GBF1: variants seen among roughly 807,000 people sequenced by gnomAD.
The protein encoded by GBF1 is Golgi-specific brefeldin A-resistance guanine nucleotide exchange factor 1.
In GBF1, 114 loss-of-function variants were observed where a neutral mutation model predicts 210.5. That is an observed-to-expected ratio of 0.54 (90% CI 0.47 to 0.63). The LOEUF is 0.63. GBF1 is among the 30% of genes least tolerant of loss of function. The probability of loss-of-function intolerance (pLI) is 0.00; values close to 1 mark genes in which losing one functional copy is unlikely to be tolerated. For synonymous variants in GBF1, 850 were observed against 889.2 expected (o/e 0.96, Z 0.78); for missense variants, 1,851 against 2,357.7 (o/e 0.79, Z 4.45).
At chr10:102,337,855 T>C (rs2057874337) in intron 3 of GBF1, among the ~76,000 whole-genome samples, 1 of 151,950 alleles carries the variant, frequency 6.6e-6, no homozygotes, top group South Asian at 2.1e-4. Flanking sequence ...AGACTCTGTC[T>C]CAAAAAGAAA....
rs567964819 is a variant in GBF1 at position 102,359,389 on chromosome 10, C to T, written c.1134C>T (p.Tyr378=). 6.8e-6 allele frequency: 11 copies of T among 1,613,626 alleles called. No homozygotes were observed. The highest frequency in any genetic ancestry group is 4.5e-5 in the East Asian group (2 of 44,888). The change falls in exon 11 of 40, where the codon TAC becomes TAT. Residue 378 remains tyrosine (Y), a synonymous_variant. Transcript: ENST00000369983. ...SDSASVHDMD[Y]VNPRGVRFTQ... ...CTGCCTCTGTCCATGACATGGATTA[C>T]GTCAATCCCCGGGGCGTGCGCTTTA... is the stretch of plus-strand genomic sequence containing the variant.
intron 3 of GBF1, among the ~76,000 whole-genome samples, chr10:102,264,379 T>C (rs2073618398): frequency 6.6e-6 from 1 of 152,240 alleles, no homozygotes; most frequent in Non-Finnish European, 1.5e-5. Context: ...GGCTTTTATA[T>C]TTAAATTTAT....
chr10:102,344,011 C>G, intron 3 of GBF1, 40 bp from the exon 4 acceptor site: 1 of 1,590,698 alleles, frequency 6.3e-7, no homozygotes, highest in South Asian at 1.1e-5. Flanking sequence ...TTAGTTTTCT[C>G]TTAGATGATA....
intron 3 of GBF1, among the ~76,000 whole-genome samples, chr10:102,332,220 A>G (rs2057386854): frequency 6.6e-6 from 1 of 152,094 alleles, no homozygotes; most frequent in Non-Finnish European, 1.5e-5. Flanking sequence ...TATAAATACT[A>G]TGTAAATAGT....
intron 3 of GBF1, among the ~76,000 whole-genome samples, chr10:102,329,968 G>A (rs1241263182): frequency 2.6e-5 from 4 of 152,006 alleles, no homozygotes; most frequent in Non-Finnish European, 5.9e-5. Flanking sequence ...AAATTAGCTG[G>A]GCATGGTGGC....
In GBF1 at chr10:102,382,516, G is replaced by A. The variant is rs2060917437; in HGVS notation, c.*180G>A. ...CCAGCTAAGACCCCCAATCAGCTGTGGGACCTTTTTCCTCCTCTGCGCTCC... is the reference window on the plus strand; with the variant it reads ...CCAGCTAAGACCCCCAATCAGCTGTAGGACCTTTTTCCTCCTCTGCGCTCC... On this transcript the variant is annotated 3_prime_UTR_variant, in exon 40 of 40. Transcript: ENST00000369983. 1.7e-6 allele frequency: 1 copy of A among 571,694 alleles called. No individual in the cohort carries two copies. The highest frequency in any genetic ancestry group is 3.5e-5 in the Admixed American group (1 of 28,872). The allele number at this position is 571,694 out of a possible 1,614,324, so 35.4% of individuals were successfully genotyped here. A position where few individuals can be genotyped will look rare whatever the true frequency, so the allele number is the denominator to read the frequency against.
chr10:102,367,396 C>G, intron 20 of GBF1, 82 bp from the exon 21 acceptor site: 1 of 1,157,680 alleles, frequency 8.6e-7, no homozygotes, highest in South Asian at 1.2e-5. Flanking sequence ...TTCCTAAGTC[C>G]TATTTACTGA....
At chr10:102,352,343 TAA>T in intron 6 of GBF1, 113 bp from the exon 7 acceptor site, 2 of 767,822 alleles carry the variant, frequency 2.6e-6, no homozygotes, top group Non-Finnish European at 4.7e-6. Context: ...CTGGTTTTAA[TAA>T]GTTTGGCATA....
intron 1 of GBF1, among the ~76,000 whole-genome samples, chr10:102,247,703 A>G (rs531802292): frequency 6.6e-6 from 1 of 152,276 alleles, no homozygotes; most frequent in East Asian, 1.9e-4. Context: ...CTAGATAGGA[A>G]TAATTCCCAC....
intron 3 of GBF1, among the ~76,000 whole-genome samples, chr10:102,279,030 C>T (rs2075254952): frequency 6.6e-6 from 1 of 152,150 alleles, no homozygotes; most frequent in Non-Finnish European, 1.5e-5. Context: ...TTGCCTGAAC[C>T]AATTTCTGGT....
intron 3 of GBF1, among the ~76,000 whole-genome samples, chr10:102,289,540 C>T (rs1212566154): frequency 6.6e-6 from 1 of 152,154 alleles, no homozygotes; most frequent in Non-Finnish European, 1.5e-5. Context: ...GCCTGAGCAA[C>T]ATAGTGAGAC....
chr10:102,305,321 T>C (rs996083962), intron 3 of GBF1, among the ~76,000 whole-genome samples: 1 of 151,902 alleles, frequency 6.6e-6, no homozygotes, highest in Non-Finnish European at 1.5e-5. Context: ...GCTATAGAAA[T>C]TGGAGTCCTG....
the GBF1 span, among the ~76,000 whole-genome samples, chr10:102,234,717 A>C: frequency 2.1e-3 from 315 of 152,326 alleles, 1 homozygote; most frequent in African/African-American, 6.9e-3. Context: ...CCATGGAAGC[A>C]ACATGGAGCT....
At chr10:102,253,138 G>C (rs987616950) in intron 1 of GBF1, among the ~76,000 whole-genome samples, 1 of 152,032 alleles carries the variant, frequency 6.6e-6, no homozygotes, top group East Asian at 1.9e-4. Flanking sequence ...CAGTTGATCT[G>C]CCTGCTTTGG....
In GBF1 at chr10:102,245,674, T is replaced by C. The variant is rs949368443; in HGVS notation, c.-118T>C. 22 of 152,242 alleles carry C rather than the reference T, an allele frequency of 1.4e-4. No individual in the cohort carries two copies. Among genetic ancestry groups the C allele is most frequent in the African/African-American group, 5.1e-4 (21 of 41,452 alleles). The allele number at this position is 152,242 out of a possible 1,614,324, so 9.4% of individuals were successfully genotyped here. On this transcript the variant is annotated 5_prime_UTR_variant, in exon 1 of 40. Coordinates refer to ENST00000369983, the MANE Select transcript of GBF1 (RefSeq NM_001377137.1). ...AGGCTCCTTCTCTTCTCCCATCTGC[T>C]ACCAGAGCCGGGAGAGCTGCTCGGA...
intron 1 of GBF1, among the ~76,000 whole-genome samples, chr10:102,251,809 G>A (rs1487089892): frequency 1.3e-5 from 2 of 152,068 alleles, no homozygotes; most frequent in African/African-American, 4.8e-5. Context: ...TCCCTCCTTG[G>A]CCTCCCAAAG....
At chr10:102,311,389 C>T (rs969496277) in intron 3 of GBF1, among the ~76,000 whole-genome samples, 1 of 152,086 alleles carries the variant, frequency 6.6e-6, no homozygotes, top group Non-Finnish European at 1.5e-5. Flanking sequence ...AGAGAAGCTG[C>T]AGGGGATGGG....
chr10:102,369,977 G>A lies in GBF1; in HGVS notation c.3332G>A (p.Cys1111Tyr), dbSNP rs753374434. Reference sequence around the variant, plus strand: ...GAGGCCAAGAGAGTGGCCTTAGAGTGTATAAAGGTAACTGCCCATCCACCC... The same window carrying A: ...GAGGCCAAGAGAGTGGCCTTAGAGTATATAAAGGTAACTGCCCATCCACCC... ...NQEAKRVALE[C>Y]IKQCDPEKMI... The change falls in exon 26 of 40, where the codon TGT (cysteine) becomes TAT (tyrosine). Residue 1111 changes from cysteine to tyrosine, a missense_variant. Transcript: ENST00000369983. The A allele has an allele frequency of 2.5e-6, 4 of 1,614,158 alleles. No homozygotes were observed. In the South Asian group the frequency reaches 3.3e-5, roughly 13 times the overall value.
chr10:102,347,996 G>T (rs1318652015), intron 4 of GBF1, among the ~76,000 whole-genome samples: 1 of 152,116 alleles, frequency 6.6e-6, no homozygotes, highest in Non-Finnish European at 1.5e-5. Flanking sequence ...GAGTGCACTG[G>T]TGTGATCTTG....
Sources: allele counts gnomAD v4.1 joint callset (sites outside exome capture counted in the v4.1 genomes callset), GRCh38; gene constraint gnomAD v4.1.1; transcripts MANE v1.5; gene names NCBI Gene and HGNC (gene_info 2026-07-23, HGNC 2026-07-21).